The following NSD1 variants were observed in gnomAD, a reference collection of about 807,000 sequenced individuals.
NSD1 encodes the protein nuclear receptor binding SET domain protein 1, also known as histone-lysine N-methyltransferase, H3 lysine-36 specific.
In NSD1, 26 loss-of-function variants were observed where a neutral mutation model predicts 242.7. That is an observed-to-expected ratio of 0.11 (90% CI 0.08 to 0.15). NSD1 has a LOEUF of 0.15. Among genes scored for constraint, NSD1 ranks in the 10% least tolerant of loss-of-function variants. NSD1 has a pLI of 1.00. For missense variants in NSD1, 2,495 were observed against 3,272.8 expected (o/e 0.76, Z 5.80); for synonymous variants, 1,106 against 1,178.1 (o/e 0.94, Z 1.25).
Position 177,141,319 on chromosome 5 carries a change from C to CTTT in NSD1, c.927+5316_927+5318dup, listed in dbSNP as rs567992731. ...ACAGGCGTGAGCCACCGCGCGCAGC[C>CTTT]TTTTTTTTTTTTTTTTTTTTTTTTT... On this transcript the variant is annotated intron_variant, in intron 2 of 22. Transcript: ENST00000439151. Among the ~76,000 whole-genome samples the CTTT allele has an allele frequency of 2.8e-4, 27 of 97,034 alleles. 2 individuals carry two copies. Among genetic ancestry groups the CTTT allele is most frequent in the African/African-American group, 1.4e-3 (24 of 17,008 alleles). The allele number at this position is 97,034 out of a possible 152,430, so 63.7% of individuals were successfully genotyped here. A position where few individuals can be genotyped will look rare whatever the true frequency, so the allele number is the denominator to read the frequency against.
At chr5:177,192,106 TC>T in intron 3 of NSD1, 87 bp downstream of exon 3, 1 of 1,222,026 alleles carries the variant, frequency 8.2e-7, no homozygotes, top group East Asian at 2.6e-5. Flanking sequence ...TATATTTTTT[TC>T]CTTGGAACAT....
chr5:177,196,730 T>C (rs1295557622), intron 3 of NSD1, among the ~76,000 whole-genome samples: 1 of 152,136 alleles, frequency 6.6e-6, no homozygotes, highest in Middle Eastern at 3.2e-3. Flanking sequence ...AAAAGGTACA[T>C]TGAGGAAGAC....
chr5:177,155,753 C>G (rs1758077619), intron 2 of NSD1, among the ~76,000 whole-genome samples: 1 of 152,028 alleles, frequency 6.6e-6, no homozygotes, highest in Non-Finnish European at 1.5e-5. Flanking sequence ...ATGACACAAT[C>G]TCGGTTCACT....
intron 3 of NSD1, among the ~76,000 whole-genome samples, chr5:177,200,486 CATT>C (rs1762432990): frequency 1.3e-5 from 2 of 152,164 alleles, no homozygotes; most frequent in African/African-American, 4.8e-5. Flanking sequence ...AGTATATTAA[CATT>C]GTTGTGTAGC....
At chr5:177,205,514 G>GT (rs560879303) in intron 4 of NSD1, among the ~76,000 whole-genome samples, 6 of 150,448 alleles carry the variant, frequency 4.0e-5, no homozygotes, top group Non-Finnish European at 7.4e-5. Context: ...TTTTCCTCCA[G>GT]TTTTTTTTAT....
Position 177,147,417 on chromosome 5 carries a change from A to G in NSD1, c.927+11387A>G, listed in dbSNP as rs556174913. Among the ~76,000 whole-genome samples, 9 of 152,070 alleles carry G rather than the reference A, an allele frequency of 5.9e-5. No individual in the cohort carries two copies. The South Asian group carries it at 1.2e-3, about 21-fold the overall frequency. On this transcript the variant is annotated intron_variant, in intron 2 of 22. Transcript: ENST00000439151. ...CCACCATGCCTGGCCTAGCCCCTCC[A>G]TCTCTAGCCTTTGTCAGTTACTAAA...
intron 6 of NSD1, 100 bp downstream of exon 6, chr5:177,236,045 A>G: frequency 7.5e-7 from 1 of 1,335,152 alleles, no homozygotes; most frequent in Non-Finnish European, 1.1e-6. Context: ...AATTTCCTTA[A>G]CTGAGATCTT....
At chr5:177,191,769 G>A in intron 2 of NSD1, 115 bp from the exon 3 acceptor site, 2 of 1,023,814 alleles carry the variant, frequency 2.0e-6, no homozygotes, top group Admixed American at 3.9e-5. Flanking sequence ...TTAGGCTAGA[G>A]TGTTTTCATT....
chr5:177,288,348 C>T (rs1759502618), intron 20 of NSD1, among the ~76,000 whole-genome samples: 1 of 152,202 alleles, frequency 6.6e-6, no homozygotes. Flanking sequence ...GCTGGATCTA[C>T]AACCAGTCTG....
At chr5:177,151,809 T>C (rs1200520183) in intron 2 of NSD1, among the ~76,000 whole-genome samples, 1 of 151,954 alleles carries the variant, frequency 6.6e-6, no homozygotes, top group Non-Finnish European at 1.5e-5. Context: ...CCCCCACCTC[T>C]GCCCCTTTGA....
intron 16 of NSD1, among the ~76,000 whole-genome samples, chr5:177,272,625 C>T (rs1386335287): frequency 6.6e-6 from 1 of 152,180 alleles, no homozygotes; most frequent in Non-Finnish European, 1.5e-5. Flanking sequence ...CACAGTGACT[C>T]ATGCATGTAA....
intron 14 of NSD1, chr5:177,266,468 G>T: frequency 1.6e-6 from 1 of 617,120 alleles, no homozygotes; most frequent in East Asian, 3.5e-5. Flanking sequence ...TTGCCGAAGT[G>T]GGCGTAGGAG....
chr5:177,218,738 T>G (rs111834220), intron 5 of NSD1, among the ~76,000 whole-genome samples: 4,319 of 151,466 alleles, frequency 0.029, 205 homozygotes, highest in African/African-American at 0.1. Flanking sequence ...CGGCTAAATT[T>G]TTTTTGTATT....
chr5:177,260,338 AC>A (rs1756891668), intron 14 of NSD1, among the ~76,000 whole-genome samples, 170 bp downstream of exon 14: 1 of 124,112 alleles, frequency 8.1e-6, no homozygotes, highest in East Asian at 2.0e-4. Context: ...ACATAGCAGA[AC>A]TTTTTTTTTT....
At chr5:177,266,381 T>C in intron 14 of NSD1, 1 of 673,210 alleles carries the variant, frequency 1.5e-6, no homozygotes. Context: ...GCGGCGAACA[T>C]GCAGAGGATG....
chr5:177,283,991 A>G, intron 20 of NSD1, 63 bp downstream of exon 20: 1 of 1,567,498 alleles, frequency 6.4e-7, no homozygotes. Flanking sequence ...TTTTTTACAA[A>G]CAGCTTCCTC....
intron 12 of NSD1, among the ~76,000 whole-genome samples, chr5:177,252,665 A>G (rs1243148087): frequency 4.1e-5 from 6 of 147,462 alleles, no homozygotes; most frequent in African/African-American, 1.3e-4. Flanking sequence ...AATCCTCCCA[A>G]CTCAGCTTCC....
At position 177,296,993 on chromosome 5, in the gene NSD1, T is replaced by C; in HGVS notation, c.*1534T>C. On this transcript the variant is annotated 3_prime_UTR_variant, in exon 23 of 23. Transcript: ENST00000439151. ...CACGCTCTCAATAGGATTCTGTATT[T>C]GGTCCCAATTTCCTCAAGTTCTTAT... 4.3e-6 allele frequency: 1 copy of C among 233,358 alleles called. No individual in the cohort carries two copies. Among genetic ancestry groups the C allele is most frequent in the Non-Finnish European group, 8.5e-6 (1 of 118,058 alleles). 14.5% of individuals were successfully genotyped at this position (233,358 alleles called of 1,614,324 possible). A position where few individuals can be genotyped will look rare whatever the true frequency, so the allele number is the denominator to read the frequency against.
intron 2 of NSD1, among the ~76,000 whole-genome samples, chr5:177,151,316 G>A (rs1757677632): frequency 6.6e-6 from 1 of 152,152 alleles, no homozygotes; most frequent in South Asian, 2.1e-4. Flanking sequence ...CCCAGGAGAC[G>A]GAGGTTGCAG....
Sources: allele counts gnomAD v4.1 joint callset (sites outside exome capture counted in the v4.1 genomes callset), GRCh38; gene constraint gnomAD v4.1.1; transcripts MANE v1.5; gene names NCBI Gene and HGNC (gene_info 2026-07-23, HGNC 2026-07-21).